Variants in PDE3A observed in about 807,000 individuals in gnomAD.
The protein encoded by PDE3A is phosphodiesterase 3A, also known as cGMP-inhibited 3',5'-cyclic phosphodiesterase 3A.
Under a neutral mutation model 98.3 loss-of-function variants are expected in PDE3A, and 43 were observed. That is an observed-to-expected ratio of 0.44 (90% confidence interval 0.34 to 0.56). The LOEUF is 0.56. Among genes scored for constraint, PDE3A ranks in the 20% least tolerant of loss-of-function variants. The pLI is 0.01. For synonymous variants in PDE3A, 663 were observed against 567.9 expected (o/e 1.17, Z -2.38); for missense variants, 1,427 against 1,440.7 (o/e 0.99, Z 0.15).
At chr12:20,475,178 AGTGTGTGT>A (rs71442249) in intron 1 of PDE3A, among the ~76,000 whole-genome samples, 54 of 92,476 alleles carry the variant, frequency 5.8e-4, no homozygotes, top group Middle Eastern at 5.3e-3. Context: ...AATGTGTGTG[AGTGTGTGT>A]GTGTGTGTGT....
chr12:20,599,140 T>G (rs901165351), intron 2 of PDE3A, among the ~76,000 whole-genome samples: 3 of 152,220 alleles, frequency 2.0e-5, no homozygotes, highest in Non-Finnish European at 4.4e-5. Context: ...AGTCTGCTAA[T>G]GGACTTCTTT....
intron 1 of PDE3A, among the ~76,000 whole-genome samples, chr12:20,412,632 C>A (rs1290247922): frequency 6.6e-6 from 1 of 152,154 alleles, no homozygotes; most frequent in East Asian, 1.9e-4. Flanking sequence ...TGCTCCACAT[C>A]CTACCTACAT....
At chr12:20,603,276 G>T (rs1470132863) in intron 2 of PDE3A, among the ~76,000 whole-genome samples, 1 of 53,998 alleles carries the variant, frequency 1.9e-5, no homozygotes, top group Admixed American at 2.6e-4. Flanking sequence ...GCCTCCCAGG[G>T]TGCCTCCCAG....
chr12:20,532,998 G>A (rs939395373), intron 1 of PDE3A, among the ~76,000 whole-genome samples: 2 of 151,728 alleles, frequency 1.3e-5, no homozygotes, highest in African/African-American at 4.8e-5. Flanking sequence ...TTGAAAGTTT[G>A]TCAACACAGT....
chr12:20,613,785 A>G (rs1943930818), intron 3 of PDE3A, 85 bp downstream of exon 3: 5 of 992,370 alleles, frequency 5.0e-6, no homozygotes, highest in Non-Finnish European at 6.1e-6. Context: ...CCTCAACTCC[A>G]TCTGCAGATT....
intron 2 of PDE3A, among the ~76,000 whole-genome samples, chr12:20,567,343 T>G (rs922093749): frequency 6.6e-6 from 1 of 151,994 alleles, no homozygotes; most frequent in African/African-American, 2.4e-5. Context: ...GCATGAATAA[T>G]AAAGCCAAGA....
intron 1 of PDE3A, among the ~76,000 whole-genome samples, chr12:20,472,854 C>G (rs943247890): frequency 9.2e-5 from 14 of 152,010 alleles, no homozygotes; most frequent in African/African-American, 3.4e-4. Flanking sequence ...CATTAAATGT[C>G]TAAAGATATT....
chr12:20,383,792 C>A (rs1274146546), intron 1 of PDE3A, among the ~76,000 whole-genome samples: 2 of 151,870 alleles, frequency 1.3e-5, no homozygotes, highest in African/African-American at 4.8e-5. Context: ...ATCACATAGG[C>A]CATGAGGGGT....
At chr12:20,430,214 T>C (rs940517240) in intron 1 of PDE3A, among the ~76,000 whole-genome samples, 2 of 152,180 alleles carry the variant, frequency 1.3e-5, no homozygotes, top group African/African-American at 2.4e-5. Flanking sequence ...AAAATATTTG[T>C]GGCTCAGCAT....
At chr12:20,428,791 A>T (rs1944644788) in intron 1 of PDE3A, among the ~76,000 whole-genome samples, 1 of 152,182 alleles carries the variant, frequency 6.6e-6, no homozygotes. Flanking sequence ...AAGTAGGTCA[A>T]AAAAGGACAA....
chr12:20,686,913 C>T lies in PDE3A; in HGVS notation c.*6642C>T, dbSNP rs77641640. Among the ~76,000 whole-genome samples the T allele has an allele frequency of 4.1e-3, 627 of 152,078 alleles. 2 individuals carry two copies. Among genetic ancestry groups the T allele is most frequent in the East Asian group, 0.011 (55 of 5,170 alleles). ...AATTTGCAGGGTATCCCAGGACACC[C>T]CTCAGTCTTTAATACAAACCAATTT... On this transcript the variant is annotated 3_prime_UTR_variant, in exon 16 of 16. Coordinates refer to ENST00000359062, the MANE Select transcript of PDE3A (RefSeq NM_000921.5).
chr12:20,434,066 C>T (rs1944740942), intron 1 of PDE3A, among the ~76,000 whole-genome samples: 1 of 152,096 alleles, frequency 6.6e-6, no homozygotes, highest in East Asian at 1.9e-4. Context: ...TGTTAGGCTC[C>T]CACATTGTTA....
At chr12:20,648,343 TTTTC>T (rs1403708855) in intron 12 of PDE3A, among the ~76,000 whole-genome samples, 1 of 150,964 alleles carries the variant, frequency 6.6e-6, no homozygotes, top group Non-Finnish European at 1.5e-5. Context: ...CTCCCTCCTC[TTTTC>T]TATTTGTATA....
rs532783259 is a variant in PDE3A, at chr12:20,381,471, T to C, written c.960+11227T>C. 5.3e-5 allele frequency among the ~76,000 whole-genome samples: 8 copies of C among 151,950 alleles called. No homozygotes were observed. In the East Asian group the frequency reaches 1.6e-3, roughly 29 times the overall value. On this transcript the variant is annotated intron_variant, in intron 1 of 15. Coordinates refer to ENST00000359062, the MANE Select transcript of PDE3A (RefSeq NM_000921.5). ...TGCATGTAAAAACTAGAACGCTTTA[T>C]GATTTGAAAAGAGGAGAAGATGCTG... is the stretch of plus-strand genomic sequence containing the variant.
chr12:20,405,457 T>C (rs77391385), intron 1 of PDE3A, among the ~76,000 whole-genome samples: 1 of 152,136 alleles, frequency 6.6e-6, no homozygotes, highest in Non-Finnish European at 1.5e-5. Context: ...TTTCTGAATC[T>C]ATACAGCTTC....
rs534448352 is a variant in PDE3A, at chr12:20,613,773, C to G, written c.1269+73C>G. On this transcript the variant is annotated intron_variant, in intron 3 of 15. Transcript: ENST00000359062. ...ATTGTCTTCTAGGTCTCCTTCCTGT[C>G]ACCTCAACTCCATCTGCAGATTCAT... The G allele has an allele frequency of 7.7e-5, 86 of 1,119,576 alleles. No homozygotes were observed. The East Asian group carries it at 1.7e-3, about 22-fold the overall frequency. 69.4% of individuals were successfully genotyped at this position (1,119,576 alleles called of 1,614,324 possible).
At chr12:20,505,432 A>G (rs1946098348) in intron 1 of PDE3A, among the ~76,000 whole-genome samples, 1 of 152,064 alleles carries the variant, frequency 6.6e-6, no homozygotes, top group Admixed American at 6.6e-5. Context: ...AATGTTCTAT[A>G]AAGTGTAGAG....
chr12:20,542,315 A>C (rs1024244858), intron 1 of PDE3A, among the ~76,000 whole-genome samples: 23 of 152,140 alleles, frequency 1.5e-4, no homozygotes, highest in African/African-American at 5.5e-4. Flanking sequence ...AAGTCACACC[A>C]ATTACTGAGA....
intron 15 of PDE3A, among the ~76,000 whole-genome samples, chr12:20,664,772 C>A (rs886963065): frequency 1.3e-5 from 2 of 152,106 alleles, no homozygotes; most frequent in African/African-American, 2.4e-5. Context: ...ACTCTTGAGT[C>A]CATTAAACCT....
Sources: gnomAD v4.1 joint callset for allele counts (sites outside exome capture counted in the v4.1 genomes callset) on GRCh38, gnomAD v4.1.1 for gene constraint, MANE v1.5 for transcripts, NCBI Gene and HGNC (gene_info 2026-07-23, HGNC 2026-07-21) for gene names.